The following RSU1 variants were observed in gnomAD, a reference collection of about 807,000 sequenced individuals.
The protein encoded by RSU1 is rsu-1.
Under a neutral mutation model 31.1 loss-of-function variants are expected in RSU1, and 26 were observed. The observed-to-expected ratio is 0.84, with a 90% CI of 0.61 to 1.16. The LOEUF (loss-of-function observed/expected upper bound fraction) is 1.16, where lower values mean the gene tolerates loss of function less well. RSU1 is among the 50% of genes most tolerant of loss of function. RSU1 has a pLI of 0.00. For synonymous variants in RSU1, 164 were observed against 136.3 expected (o/e 1.20, Z -1.41); for missense variants, 320 against 339.1 (o/e 0.94, Z 0.44).
chr10:16,604,402 G>A (rs529801484), intron 8 of RSU1, among the ~76,000 whole-genome samples: 171 of 152,178 alleles, frequency 1.1e-3, no homozygotes, highest in Middle Eastern at 3.4e-3. Context: ...AGGGACCAGC[G>A]GCTGTGAGTT....
intron 8 of RSU1, among the ~76,000 whole-genome samples, chr10:16,615,195 A>G (rs1833954726): frequency 6.6e-6 from 1 of 152,152 alleles, no homozygotes; most frequent in Non-Finnish European, 1.5e-5. Flanking sequence ...AATATTTACT[A>G]AGCAAATGGA....
intron 3 of RSU1, among the ~76,000 whole-genome samples, chr10:16,766,637 C>T (rs1837320657): frequency 7.0e-6 from 1 of 142,500 alleles, no homozygotes; most frequent in South Asian, 2.3e-4. Flanking sequence ...ATCGCTTGAA[C>T]CTGGGAGGCA....
chr10:16,623,283 G>A (rs1834101757), intron 8 of RSU1, among the ~76,000 whole-genome samples: 1 of 152,328 alleles, frequency 6.6e-6, no homozygotes, highest in South Asian at 2.1e-4. Flanking sequence ...AGAACATGCA[G>A]TAATCTGGTT....
intron 8 of RSU1, among the ~76,000 whole-genome samples, chr10:16,613,862 G>A (rs1269425371): frequency 6.6e-6 from 1 of 151,384 alleles, no homozygotes; most frequent in Non-Finnish European, 1.5e-5. Context: ...TCTGGTGAGT[G>A]CAGAAGACTA....
At position 16,595,499 on chromosome 10, in the gene RSU1, G is replaced by C. The variant is rs565349154; in HGVS notation, c.732-2003C>G. Among the ~76,000 whole-genome samples the C allele has an allele frequency of 4.6e-5, 7 of 152,328 alleles. No homozygotes were observed. In the South Asian group the frequency reaches 1.4e-3, roughly 32 times the overall value. On this transcript the variant is annotated intron_variant, in intron 8 of 8. Transcript: ENST00000345264. Reference sequence around the variant, plus strand: ...GCGTGCACATCCAGCCAGGTGCTGGGATTGCACTCCAGGAAAAGGGGAGGC... The same window carrying C: ...GCGTGCACATCCAGCCAGGTGCTGGCATTGCACTCCAGGAAAAGGGGAGGC...
intron 7 of RSU1, chr10:16,723,273 GT>G (rs1433043174): frequency 6.6e-6 from 1 of 152,064 alleles, no homozygotes; most frequent in East Asian, 1.9e-4. Flanking sequence ...AAGATCCAAC[GT>G]TTTTTCAACC....
At chr10:16,807,498 A>G (rs1838298533) in intron 2 of RSU1, among the ~76,000 whole-genome samples, 1 of 152,226 alleles carries the variant, frequency 6.6e-6, no homozygotes. Context: ...AAAATGAATT[A>G]ACATACGGTA....
At chr10:16,661,350 T>C (rs974617242) in intron 8 of RSU1, among the ~76,000 whole-genome samples, 1 of 151,190 alleles carries the variant, frequency 6.6e-6, no homozygotes, top group Non-Finnish European at 1.5e-5. Flanking sequence ...GATGACTTCA[T>C]ATCAGTTGAA....
intron 8 of RSU1, among the ~76,000 whole-genome samples, chr10:16,669,604 G>A (rs1187201786): frequency 6.6e-6 from 1 of 152,058 alleles, no homozygotes; most frequent in Non-Finnish European, 1.5e-5. Flanking sequence ...TGTTTTATGT[G>A]TGTGTGTTGT....
intron 2 of RSU1, among the ~76,000 whole-genome samples, chr10:16,806,824 G>A (rs1412475613): frequency 1.3e-5 from 2 of 152,138 alleles, no homozygotes; most frequent in African/African-American, 4.8e-5. Context: ...CGTGATCTTA[G>A]CCCACTGGAG....
At chr10:16,752,676 T>A in intron 6 of RSU1, 23 bp from the exon 7 acceptor site, 1 of 1,557,086 alleles carries the variant, frequency 6.4e-7, no homozygotes, top group Non-Finnish European at 8.9e-7. Context: ...AAACAAGTTG[T>A]CAACATATTT....
intron 2 of RSU1, among the ~76,000 whole-genome samples, chr10:16,811,644 T>C (rs12357336): frequency 0.026 from 3,976 of 152,316 alleles, 59 homozygotes; most frequent in Non-Finnish European, 0.038. Flanking sequence ...ACACCTCTTC[T>C]TTGTTTCAAT....
At chr10:16,796,026 G>A (rs568171131) in intron 2 of RSU1, among the ~76,000 whole-genome samples, 23 of 152,156 alleles carry the variant, frequency 1.5e-4, no homozygotes, top group Non-Finnish European at 1.9e-4. Context: ...TCAAGCAGGA[G>A]GAGCTGGAAT....
chr10:16,700,154 G>A (rs879351884), intron 7 of RSU1, among the ~76,000 whole-genome samples: 5 of 152,202 alleles, frequency 3.3e-5, no homozygotes, highest in South Asian at 2.1e-4. Context: ...GTGGCTAGCG[G>A]CACCATTTAT....
intron 7 of RSU1, among the ~76,000 whole-genome samples, chr10:16,715,110 AG>A (rs1342525750): frequency 2.0e-5 from 3 of 152,320 alleles, no homozygotes; most frequent in Admixed American, 6.5e-5. Context: ...CATGCACCAC[AG>A]GAAGTTTGCT....
chr10:16,740,040 A>G (rs1836719972), intron 7 of RSU1, among the ~76,000 whole-genome samples: 1 of 152,202 alleles, frequency 6.6e-6, no homozygotes. Flanking sequence ...CAAGACCCAG[A>G]TGGCGTCAAT....
intron 7 of RSU1, among the ~76,000 whole-genome samples, chr10:16,726,596 C>T (rs1307813849): frequency 4.6e-5 from 7 of 152,282 alleles, no homozygotes; most frequent in African/African-American, 1.7e-4. Context: ...GTCACCAAAA[C>T]ATACTTCTGA....
At chr10:16,604,003 T>C (rs543781709) in intron 8 of RSU1, among the ~76,000 whole-genome samples, 1 of 152,214 alleles carries the variant, frequency 6.6e-6, no homozygotes, top group Non-Finnish European at 1.5e-5. Context: ...AATCATCTAA[T>C]GGACCTCTTA....
intron 6 of RSU1, 85 bp from the exon 7 acceptor site, chr10:16,752,738 T>G (rs1327646284): frequency 9.0e-7 from 1 of 1,108,490 alleles, no homozygotes; most frequent in African/African-American, 1.5e-5. Flanking sequence ...TCCTCTCTTC[T>G]ACTAAAGCTC....
Sources: gnomAD v4.1 joint callset for allele counts (sites outside exome capture counted in the v4.1 genomes callset) on GRCh38, gnomAD v4.1.1 for gene constraint, MANE v1.5 for transcripts, NCBI Gene and HGNC (gene_info 2026-07-23, HGNC 2026-07-21) for gene names.